Variants in RBM20 observed in about 807,000 individuals in gnomAD.
RBM20 encodes the protein RNA binding motif protein 20, also known as RNA-binding protein 20.
A neutral mutation model predicts 110.1 loss-of-function variants in RBM20; 51 were observed. That is an observed-to-expected ratio of 0.46 (90% CI 0.37 to 0.59). RBM20 has a LOEUF of 0.59. Ranked by LOEUF, RBM20 falls within the 20% of genes least tolerant of loss-of-function variation. The pLI, the probability that RBM20 is intolerant of heterozygous loss-of-function variation, is 0.00. For missense variants in RBM20, 1,512 were observed against 1,574.9 expected (o/e 0.96, Z 0.68); for synonymous variants, 589 against 618.2 (o/e 0.95, Z 0.70).
chr10:110,822,530 T>C, intron 11 of RBM20: 1 of 455,210 alleles, frequency 2.2e-6, no homozygotes, highest in Non-Finnish European at 4.4e-6. Context: ...AAAGAGAGAG[T>C]TTAAAATAGG....
intron 12 of RBM20, among the ~76,000 whole-genome samples, chr10:110,827,015 G>A (rs148527509): frequency 6.5e-4 from 99 of 152,216 alleles, no homozygotes; most frequent in Non-Finnish European, 1.1e-3. Context: ...TTTACAGATT[G>A]TATTTGTTAA....
chr10:110,743,025 G>A (rs1843739307), intron 1 of RBM20, among the ~76,000 whole-genome samples: 1 of 152,212 alleles, frequency 6.6e-6, no homozygotes, highest in Non-Finnish European at 1.5e-5. Flanking sequence ...CCTTCTCACT[G>A]TGGCACGAGC....
Position 110,797,641 on chromosome 10 carries a change from CTAATCAGG to C in RBM20, c.1664_1668+3del. On this transcript the variant is annotated splice_donor_variant and coding_sequence_variant, in exon 6 of 14. Coordinates refer to ENST00000369519, the MANE Select transcript of RBM20 (RefSeq NM_001134363.3). LOFTEE classifies it high-confidence loss of function. ...ACTAATTACATCCTCATGAAGTCGA[CTAATCAGG>C]TAGGTCTGGGTACTTTCACTCCAGT... 1 of 1,551,750 alleles carries C rather than the reference CTAATCAGG, an allele frequency of 6.4e-7. No individual in the cohort carries two copies. The highest frequency in any genetic ancestry group is 8.7e-7 in the Non-Finnish European group (1 of 1,146,984).
At chr10:110,746,683 T>C (rs996041134) in intron 1 of RBM20, among the ~76,000 whole-genome samples, 15 of 152,126 alleles carry the variant, frequency 9.9e-5, no homozygotes, top group African/African-American at 3.4e-4. Flanking sequence ...ATGGAGAGGG[T>C]CTGGGATTAG....
At position 110,779,610 on chromosome 10, in the gene RBM20, G is replaced by A. The variant is rs538014333; in HGVS notation, c.192-1191G>A. Among the ~76,000 whole-genome samples, 7 of 152,308 alleles carry A rather than the reference G, an allele frequency of 4.6e-5. No individual in the cohort carries two copies. The East Asian group carries it at 1.3e-3, about 29-fold the overall frequency. The stretch of plus-strand genomic sequence containing the variant: ...GGGGCTTGTGATTGACATCCAAAGT[G>A]GGGGGACAGTCTTGTGGGGCTGAGC... On this transcript the variant is annotated intron_variant, in intron 1 of 13. Coordinates refer to ENST00000369519, the MANE Select transcript of RBM20 (RefSeq NM_001134363.3).
At chr10:110,725,832 A>G (rs1186368235) in intron 1 of RBM20, among the ~76,000 whole-genome samples, 1 of 152,200 alleles carries the variant, frequency 6.6e-6, no homozygotes, top group Non-Finnish European at 1.5e-5. Flanking sequence ...GGAAGCTGAG[A>G]GCATTGGTCA....
chr10:110,821,709 G>C lies in RBM20; in HGVS notation c.3090G>C (p.Lys1030Asn). Residue 1030 changes from lysine to asparagine, a missense_variant, in exon 11 of 14, where the codon AAG (lysine) becomes AAC (asparagine). By Grantham distance (94) the Lys-to-Asn change is moderately conservative. Coordinates refer to ENST00000369519, the MANE Select transcript of RBM20 (RefSeq NM_001134363.3). Reference protein sequence around the residue: ...EDSDCYEKEAKGVESSDVHPA... With the variant: ...EDSDCYEKEANGVESSDVHPA... ...CAGATTGCTACGAGAAGGAGGCAAA[G>C]GGAGTGGAGAGCTCAGATGTTCATC... is the stretch of plus-strand genomic sequence containing the variant. The C allele has an allele frequency of 6.4e-7, 1 of 1,551,816 alleles. No individual in the cohort carries two copies. The highest frequency in any genetic ancestry group is 8.7e-7 in the Non-Finnish European group (1 of 1,147,012).
At chr10:110,783,226 G>T (rs1214707808) in intron 2 of RBM20, 140 bp from the exon 3 acceptor site, 2 of 637,286 alleles carry the variant, frequency 3.1e-6, no homozygotes, top group Admixed American at 4.3e-5. Flanking sequence ...GAGAGAGGAA[G>T]GGTGGAGGGA....
intron 1 of RBM20, among the ~76,000 whole-genome samples, chr10:110,694,201 C>T (rs1862628501): frequency 6.6e-6 from 1 of 152,168 alleles, no homozygotes; most frequent in Non-Finnish European, 1.5e-5. Flanking sequence ...CACAGAAGCG[C>T]ACAAAGCAGA....
At position 110,798,880 on chromosome 10, in the gene RBM20, A is replaced by G. The variant is rs149972922; in HGVS notation, c.1669-907A>G. 1.6e-3 allele frequency among the ~76,000 whole-genome samples: 242 copies of G among 152,306 alleles called. 3 individuals are homozygous for G. In the East Asian group the frequency reaches 0.025, roughly 16 times the overall value. ...AGTACAAACCAAACAAATCCAAAAA[A>G]CAATAGCAGCAACAAATTCACCACA... is the stretch of plus-strand genomic sequence containing the variant. On this transcript the variant is annotated intron_variant, in intron 6 of 13. Coordinates refer to ENST00000369519, the MANE Select transcript of RBM20 (RefSeq NM_001134363.3).
At chr10:110,681,299 T>C (rs552066069) in intron 1 of RBM20, among the ~76,000 whole-genome samples, 1 of 152,364 alleles carries the variant, frequency 6.6e-6, no homozygotes, top group African/African-American at 2.4e-5. Flanking sequence ...CAAGAAAATC[T>C]TCACATCCAC....
intron 1 of RBM20, among the ~76,000 whole-genome samples, chr10:110,652,394 A>T (rs892797632): frequency 6.6e-5 from 10 of 152,282 alleles, no homozygotes; most frequent in African/African-American, 2.2e-4. Flanking sequence ...AATATGGTCT[A>T]TTTTTTTAAA....
intron 1 of RBM20, among the ~76,000 whole-genome samples, chr10:110,687,997 G>T (rs1373947018): frequency 7.0e-4 from 4 of 5,752 alleles, no homozygotes; most frequent in Non-Finnish European, 3.1e-3. Flanking sequence ...AAATGGTTTT[G>T]TGTGTGTGTG....
chr10:110,679,944 A>G (rs1222384770), intron 1 of RBM20, among the ~76,000 whole-genome samples: 1 of 152,168 alleles, frequency 6.6e-6, no homozygotes, highest in African/African-American at 2.4e-5. Flanking sequence ...CGGGCACCTC[A>G]ATCTCAGTTT....
At chr10:110,717,815 C>A (rs1325416284) in intron 1 of RBM20, among the ~76,000 whole-genome samples, 1 of 152,242 alleles carries the variant, frequency 6.6e-6, no homozygotes, top group Non-Finnish European at 1.5e-5. Flanking sequence ...GGATCTTCCT[C>A]ACTCACTGGA....
Position 110,781,308 on chromosome 10 carries a change from A to T in RBM20, c.699A>T (p.Lys233Asn). The change falls in exon 2 of 14, where the codon AAA becomes AAT. Residue 233 changes from lysine to asparagine, a missense_variant. Transcript: ENST00000369519. The part of the protein sequence containing the change: ...PATAGFYEYG[K>N]ASSGQTYGPE... ...CAGCAGGATTCTATGAGTATGGCAA[A>T]GCCAGCTCTGGCCAGACATATGGCC... The T allele has an allele frequency of 6.4e-7, 1 of 1,551,742 alleles. No homozygotes were observed. Among genetic ancestry groups the T allele is most frequent in the Non-Finnish European group, 8.7e-7 (1 of 1,147,008 alleles).
At chr10:110,762,203 T>C (rs1010951362) in intron 1 of RBM20, among the ~76,000 whole-genome samples, 2 of 152,230 alleles carry the variant, frequency 1.3e-5, no homozygotes, top group African/African-American at 4.8e-5. Context: ...AAAATGGGGA[T>C]AGTGATCTTA....
chr10:110,683,368 G>C (rs1288522298), intron 1 of RBM20, among the ~76,000 whole-genome samples: 1 of 152,224 alleles, frequency 6.6e-6, no homozygotes, highest in East Asian at 1.9e-4. Flanking sequence ...TGCAGTAAGA[G>C]TGTCCGCATT....
At chr10:110,748,076 T>G (rs1205877731) in intron 1 of RBM20, among the ~76,000 whole-genome samples, 1 of 152,186 alleles carries the variant, frequency 6.6e-6, no homozygotes, top group Non-Finnish European at 1.5e-5. Flanking sequence ...AGTAGAGAAA[T>G]GAAACTTTTA....
Sources: allele counts gnomAD v4.1 joint callset (sites outside exome capture counted in the v4.1 genomes callset), GRCh38; gene constraint gnomAD v4.1.1; transcripts MANE v1.5; gene names NCBI Gene and HGNC (gene_info 2026-07-23, HGNC 2026-07-21).